ZNF682: variants seen among roughly 807,000 people sequenced by gnomAD.
ZNF682 encodes zinc finger protein 682.
ZNF682 carries 29 observed loss-of-function variants against 36.5 expected under a neutral mutation model. The observed-to-expected ratio is 0.80, with a 90% CI of 0.59 to 1.08. The LOEUF is 1.08. ZNF682 is among the 50% of genes least tolerant of loss of function. The probability of loss-of-function intolerance (pLI) is 0.00; values close to 1 mark genes in which losing one functional copy is unlikely to be tolerated. For missense variants in ZNF682, 561 were observed against 579.7 expected, an observed-to-expected ratio of 0.97 and a Z score of 0.33; for synonymous variants, 180 against 197.0, an observed-to-expected ratio of 0.91 and a Z score of 0.72.
rs187003247 is a variant in ZNF682, at chr19:20,013,119, G to A, written c.227-5844C>T. Among the ~76,000 whole-genome samples the A allele has an allele frequency of 1.1e-4, 16 of 152,164 alleles. No homozygotes were observed. The East Asian group carries it at 2.9e-3, about 28-fold the overall frequency. The stretch of plus-strand genomic sequence containing the variant: ...ATAGACTAAAAGAAGAATGGTACAA[G>A]TCATTCTATTAGAATGTTAACCAAA... On this transcript the variant is annotated intron_variant, in intron 3 of 3. Coordinates refer to ENST00000397165, the MANE Select transcript of ZNF682 (RefSeq NM_033196.3).
At chr19:20,034,739 C>A (rs1206396160) in intron 1 of ZNF682, among the ~76,000 whole-genome samples, 1 of 148,496 alleles carries the variant, frequency 6.7e-6, no homozygotes, top group Non-Finnish European at 1.5e-5. Flanking sequence ...CGCCATTGCA[C>A]TCCAGTCTGG....
At chr19:20,015,971 T>C in intron 3 of ZNF682, 3 of 380,416 alleles carry the variant, frequency 7.9e-6, no homozygotes, top group Non-Finnish European at 9.3e-6. Flanking sequence ...CGTTGAGGAA[T>C]ATAGATGAAA....
chr19:20,010,233 C>A (rs1047609097), intron 3 of ZNF682, among the ~76,000 whole-genome samples: 1 of 152,130 alleles, frequency 6.6e-6, no homozygotes, highest in Non-Finnish European at 1.5e-5. Flanking sequence ...ACCACAAAAA[C>A]ACACATAAGT....
Position 20,006,259 on chromosome 19 carries a change from G to T in ZNF682, c.1243C>A (p.His415Asn). 13 of 1,613,710 alleles carry T rather than the reference G, an allele frequency of 8.1e-6. No homozygotes were observed. Among genetic ancestry groups the T allele is most frequent in the Non-Finnish European group, 1.1e-5 (13 of 1,179,964 alleles). The change falls in exon 4 of 4, where the codon CAT becomes AAT. Residue 415 changes from histidine (H) to asparagine (N), a missense_variant. Coordinates refer to ENST00000397165, the MANE Select transcript of ZNF682 (RefSeq NM_033196.3). ...AFNWSSILTEHKRIHTGEKPY... is the reference protein window; with the variant it reads ...AFNWSSILTENKRIHTGEKPY... ...TTCTCTCCAGTATGAATTCTCTTAT[G>T]TTCAGTAAGGATTGAGGACCAGTTA...
At chr19:20,010,591 A>G (rs1028737930) in intron 3 of ZNF682, among the ~76,000 whole-genome samples, 10 of 152,140 alleles carry the variant, frequency 6.6e-5, no homozygotes, top group Admixed American at 2.6e-4. Context: ...CCTGGGAGTC[A>G]GAGGTTTCAG....
chr19:19,996,556 T>C (rs1008057906), downstream of ZNF682, among the ~76,000 whole-genome samples: 3 of 152,180 alleles, frequency 2.0e-5, no homozygotes, highest in African/African-American at 7.2e-5. Flanking sequence ...TTGGAGACCA[T>C]TATTTTAAGT....
intron 3 of ZNF682, among the ~76,000 whole-genome samples, chr19:20,014,694 C>A (rs10423300): frequency 0.082 from 12,287 of 150,350 alleles, 1,458 homozygotes; most frequent in African/African-American, 0.26. Flanking sequence ...GCAGGGGAAT[C>A]GCTTGAACCT....
intron 1 of ZNF682, among the ~76,000 whole-genome samples, chr19:20,026,040 C>T (rs1237059405): frequency 6.6e-6 from 1 of 152,058 alleles, no homozygotes; most frequent in African/African-American, 2.4e-5. Context: ...CTGTGGCTCA[C>T]GCCTGTAATC....
At chr19:20,020,113 T>C (rs1411836713) in intron 3 of ZNF682, among the ~76,000 whole-genome samples, 1 of 151,950 alleles carries the variant, frequency 6.6e-6, no homozygotes, top group East Asian at 1.9e-4. Context: ...TAACAAGTGT[T>C]GACAAGTTTC....
chr19:20,008,201 A>T (rs1351729930), intron 3 of ZNF682: 2 of 152,294 alleles, frequency 1.3e-5, no homozygotes, highest in African/African-American at 2.4e-5. Context: ...TCATGGGATC[A>T]TGAGCCAGCA....
chr19:20,030,618 A>AT (rs1234563274), intron 1 of ZNF682: 1 of 152,190 alleles, frequency 6.6e-6, no homozygotes, highest in African/African-American at 2.4e-5. Flanking sequence ...TCTTCTGTTC[A>AT]TGAGTGGCCC....
intron 3 of ZNF682, among the ~76,000 whole-genome samples, chr19:20,014,389 G>C (rs1265412900): frequency 6.6e-6 from 1 of 152,064 alleles, no homozygotes; most frequent in East Asian, 1.9e-4. Flanking sequence ...AAATCAATAG[G>C]TGAAAGAAAC....
chr19:20,015,876 C>T (rs1370560659), intron 3 of ZNF682: 6 of 397,684 alleles, frequency 1.5e-5, no homozygotes, highest in African/African-American at 2.1e-5. Flanking sequence ...ACATCTTTTA[C>T]TGTAAGAACA....
chr19:20,024,526 A>T, intron 1 of ZNF682, 150 bp from the exon 2 acceptor site: 2 of 919,948 alleles, frequency 2.2e-6, no homozygotes, highest in East Asian at 5.8e-5. Flanking sequence ...TGTATTCTCT[A>T]ACACTGAGGA....
At chr19:20,019,753 C>T (rs780189831) in intron 3 of ZNF682, among the ~76,000 whole-genome samples, 1 of 152,090 alleles carries the variant, frequency 6.6e-6, no homozygotes, top group Non-Finnish European at 1.5e-5. Flanking sequence ...CAGGCAGGTG[C>T]AAACCAAAAC....
chr19:19,996,164 G>A (rs899770654), downstream of ZNF682, among the ~76,000 whole-genome samples: 1 of 152,184 alleles, frequency 6.6e-6, no homozygotes, highest in African/African-American at 2.4e-5. Flanking sequence ...GCACCCATGG[G>A]CACACAAACC....
intron 3 of ZNF682, among the ~76,000 whole-genome samples, chr19:20,008,799 C>T (rs2088254090): frequency 6.6e-6 from 1 of 152,076 alleles, no homozygotes; most frequent in Admixed American, 6.5e-5. Flanking sequence ...ATCTTCCCTC[C>T]CCAGAGCACT....
intron 3 of ZNF682, among the ~76,000 whole-genome samples, chr19:20,022,454 G>C (rs187761024): frequency 6.6e-6 from 1 of 151,928 alleles, no homozygotes; most frequent in African/African-American, 2.4e-5. Context: ...GATCACCTGA[G>C]GTCGTGGGTT....
At chr19:20,015,651 C>G (rs572231296) in intron 3 of ZNF682, 2 of 383,898 alleles carry the variant, frequency 5.2e-6, no homozygotes, top group African/African-American at 4.1e-5. Flanking sequence ...ACTGGCTATC[C>G]ATAAAAAGCA....
Sources: allele counts gnomAD v4.1 joint callset (sites outside exome capture counted in the v4.1 genomes callset), GRCh38; gene constraint gnomAD v4.1.1; transcripts MANE v1.5; gene names NCBI Gene and HGNC (gene_info 2026-07-23, HGNC 2026-07-21).